Variants in SAMSN1 observed in about 807,000 individuals in gnomAD.
The protein encoded by SAMSN1 is SAM domain, SH3 domain and nuclear localization signals 1.
A neutral mutation model predicts 42.0 loss-of-function variants in SAMSN1; 31 were observed. The ratio of observed to expected loss-of-function variants is 0.74; its 90% CI spans 0.55 to 1.00. SAMSN1 has a LOEUF of 1.00. Ranked by LOEUF, SAMSN1 falls within the 50% of genes least tolerant of loss-of-function variation. SAMSN1 has a pLI of 0.00. For synonymous variants in SAMSN1, 178 were observed against 151.9 expected (o/e 1.17, Z -1.26); for missense variants, 464 against 439.4 (o/e 1.06, Z -0.50).
chr21:14,650,215 T>C (rs554941649), intron 1 of SAMSN1, among the ~76,000 whole-genome samples: 1 of 152,268 alleles, frequency 6.6e-6, no homozygotes, highest in African/African-American at 2.4e-5. Flanking sequence ...TACAGAACAT[T>C]TCAGCCAAAA....
chr21:14,646,030 A>C (rs981457982), intron 1 of SAMSN1, among the ~76,000 whole-genome samples: 1 of 152,194 alleles, frequency 6.6e-6, no homozygotes, highest in Non-Finnish European at 1.5e-5. Context: ...AAATTGCCTC[A>C]AAAGGGCAAA....
upstream of SAMSN1, among the ~76,000 whole-genome samples, chr21:14,546,526 G>A (rs570904551): frequency 4.6e-5 from 7 of 151,912 alleles, no homozygotes; most frequent in African/African-American, 1.7e-4. Context: ...CTGCAGTTAT[G>A]AGAGCCATAA....
chr21:14,580,323 A>C (rs1568817659), intron 2 of SAMSN1, among the ~76,000 whole-genome samples: 1 of 152,226 alleles, frequency 6.6e-6, no homozygotes, highest in Non-Finnish European at 1.5e-5. Context: ...TTGAGTCCAG[A>C]CTGATGAAAT....
intron 2 of SAMSN1, among the ~76,000 whole-genome samples, chr21:14,555,848 C>T (rs952584603): frequency 6.6e-6 from 1 of 152,146 alleles, no homozygotes; most frequent in Non-Finnish European, 1.5e-5. Flanking sequence ...ACTGACAGAA[C>T]AAATTGATCT....
At chr21:14,617,433 T>C (rs902361616) in intron 2 of SAMSN1, among the ~76,000 whole-genome samples, 1 of 152,186 alleles carries the variant, frequency 6.6e-6, no homozygotes, top group Non-Finnish European at 1.5e-5. Context: ...TTAACAAGCT[T>C]TGTGACAATC....
chr21:14,517,191 A>C (rs548225510), intron 2 of SAMSN1, 150 bp from the exon 3 acceptor site: 1 of 669,496 alleles, frequency 1.5e-6, no homozygotes, highest in African/African-American at 1.9e-5. Context: ...CGGACATAAC[A>C]CATATTTTTA....
intron 2 of SAMSN1, among the ~76,000 whole-genome samples, chr21:14,555,960 C>G (rs2123187465): frequency 6.6e-6 from 1 of 152,254 alleles, no homozygotes; most frequent in East Asian, 1.9e-4. Context: ...TTAATTCATA[C>G]TTTATTCCCC....
chr21:14,578,067 C>T (rs1981565149), intron 2 of SAMSN1, among the ~76,000 whole-genome samples: 2 of 152,166 alleles, frequency 1.3e-5, no homozygotes, highest in Admixed American at 6.5e-5. Flanking sequence ...TTACAGACCT[C>T]TGGGTGCTTT....
intron 1 of SAMSN1, among the ~76,000 whole-genome samples, chr21:14,647,858 G>T (rs1456954665): frequency 1.3e-5 from 2 of 150,614 alleles, no homozygotes; most frequent in Non-Finnish European, 1.5e-5. Flanking sequence ...CTTTGCTGAA[G>T]TTGCTTATCA....
chr21:14,577,540 A>C (rs935585109), intron 2 of SAMSN1, among the ~76,000 whole-genome samples: 1 of 151,918 alleles, frequency 6.6e-6, no homozygotes, highest in Non-Finnish European at 1.5e-5. Context: ...TTCACAGCCC[A>C]CAAACTCTAT....
At chr21:14,494,010 A>C (rs546250867) in intron 7 of SAMSN1, among the ~76,000 whole-genome samples, 1 of 152,324 alleles carries the variant, frequency 6.6e-6, no homozygotes, top group East Asian at 1.9e-4. Flanking sequence ...AGTGACCTAG[A>C]TACCATCTCA....
At chr21:14,487,435 A>G (rs1004448845) in intron 7 of SAMSN1, among the ~76,000 whole-genome samples, 2 of 152,040 alleles carry the variant, frequency 1.3e-5, no homozygotes, top group Admixed American at 6.6e-5. Context: ...TGTGTGTCCA[A>G]TTGCCATCAA....
At chr21:14,517,426 G>A (rs1281628358) in intron 2 of SAMSN1, among the ~76,000 whole-genome samples, 1 of 152,122 alleles carries the variant, frequency 6.6e-6, no homozygotes, top group Non-Finnish European at 1.5e-5. Flanking sequence ...TATTTTATTG[G>A]AAGCTTTAGA....
At chr21:14,571,979 A>C (rs1427257474) in intron 2 of SAMSN1, among the ~76,000 whole-genome samples, 2 of 151,136 alleles carry the variant, frequency 1.3e-5, no homozygotes, top group African/African-American at 4.9e-5. Context: ...GAAACCAGTA[A>C]TGTAAATTCA....
chr21:14,585,620 A>C (rs1302793399), upstream of SAMSN1: 1 of 152,198 alleles, frequency 6.6e-6, no homozygotes, highest in African/African-American at 2.4e-5. Context: ...TAGCCTTTTT[A>C]AAGCATGATA....
At chr21:14,642,035 G>C (rs1983610077) in intron 2 of SAMSN1, among the ~76,000 whole-genome samples, 1 of 152,170 alleles carries the variant, frequency 6.6e-6, no homozygotes, top group African/African-American at 2.4e-5. Context: ...ACATGAGCAA[G>C]AGAAAATACA....
chr21:14,605,807 GATTTATTTATTTATTTATTT>G lies in SAMSN1; in HGVS notation c.322+3655_322+3674del, dbSNP rs567638495. On this transcript the variant is annotated intron_variant, in intron 5 of 15. Transcript: ENST00000647101. ...ATCTCATTAAGCCATATGTAAAGAA[GATTTATTTATTTATTTATTT>G]ATTTATTTATTTATTTATTTATTTA... 3.5e-5 allele frequency among the ~76,000 whole-genome samples: 5 copies of G among 144,056 alleles called. No homozygotes were observed. In the East Asian group the frequency reaches 6.2e-4, roughly 18 times the overall value. The allele number at this position is 144,056 out of a possible 152,430, so 94.5% of individuals were successfully genotyped here. A position where few individuals can be genotyped will look rare whatever the true frequency, so the allele number is the denominator to read the frequency against.
rs1987734098 is a variant in SAMSN1, at chr21:14,512,548, T to A, written c.305A>T (p.His102Leu). The A allele has an allele frequency of 1.2e-6, 2 of 1,613,832 alleles. No homozygotes were observed. The highest frequency in any genetic ancestry group is 3.3e-5 in the Admixed American group (2 of 60,002). ...EKDEEDGENA[H>L]PYRNSDPVIG... ...CACAGGGTCACTGTTTCTATATGGG[T>A]GGGCATTCTCTCCATCTTCCTCATC... Residue 102 changes from histidine (H) to leucine (L), a missense_variant, in exon 4 of 8, where the codon CAC becomes CTC. His to Leu is a moderately conservative substitution (Grantham distance 99). Coordinates refer to ENST00000400566, the MANE Select transcript of SAMSN1 (RefSeq NM_022136.5).
At chr21:14,506,615 C>T (rs1226404156) in intron 5 of SAMSN1, among the ~76,000 whole-genome samples, 1 of 152,032 alleles carries the variant, frequency 6.6e-6, no homozygotes, top group East Asian at 1.9e-4. Flanking sequence ...ACCAGACATT[C>T]GAAGAAGAAT....
Sources: allele counts gnomAD v4.1 joint callset (sites outside exome capture counted in the v4.1 genomes callset), GRCh38; gene constraint gnomAD v4.1.1; transcripts MANE v1.5; gene names NCBI Gene and HGNC (gene_info 2026-07-23, HGNC 2026-07-21).